The following SRD5A2 variants were observed in gnomAD, a reference collection of about 807,000 sequenced individuals.
The protein encoded by SRD5A2 is steroid 5 alpha-reductase 2, also known as 3-oxo-5-alpha-steroid 4-dehydrogenase 2.
Under a neutral mutation model 27.4 loss-of-function variants are expected in SRD5A2, and 30 were observed. The ratio of observed to expected loss-of-function variants is 1.10; its 90% CI spans 0.82 to 1.49. The LOEUF is 1.49. Among genes scored for constraint, SRD5A2 ranks in the 40% most tolerant of loss-of-function variants. SRD5A2 has a pLI of 0.00. For synonymous variants in SRD5A2, 141 were observed against 133.6 expected (o/e 1.06, Z -0.38); for missense variants, 348 against 323.4 (o/e 1.08, Z -0.58).
intron 4 of SRD5A2, among the ~76,000 whole-genome samples, chr2:31,528,660 G>T (rs963835635): frequency 6.6e-6 from 1 of 152,160 alleles, no homozygotes; most frequent in Non-Finnish European, 1.5e-5. Flanking sequence ...CAGCCATTTG[G>T]AAGGCTGAGG....
chr2:31,647,841 C>T, the SRD5A2 span, among the ~76,000 whole-genome samples: 27 of 152,244 alleles, frequency 1.8e-4, no homozygotes, highest in African/African-American at 6.5e-4. Context: ...ATAAAGAATT[C>T]TCTCATTTTT....
chr2:31,549,081 A>AATTATTATTATT lies in SRD5A2; in HGVS notation c.282-15327_282-15316dup, dbSNP rs71405576. Among the ~76,000 whole-genome samples, 974 of 131,362 alleles carry AATTATTATTATT rather than the reference A, an allele frequency of 7.4e-3. 4 individuals carry two copies. Among genetic ancestry groups the AATTATTATTATT allele is most frequent in the Middle Eastern group, 0.011 (3 of 264 alleles). The allele number at this position is 131,362 out of a possible 152,430, so 86.2% of individuals were successfully genotyped here. On this transcript the variant is annotated intron_variant, in intron 1 of 4. Transcript: ENST00000622030. ...GCTTCCAGGGGCTGGAAGTAGAGGG[A>AATTATTATTATT]ATTATTATTATTATTATTATTATTA...
intron 1 of SRD5A2, among the ~76,000 whole-genome samples, chr2:31,554,961 GTGTGTGTA>G (rs1356684124): frequency 1.4e-5 from 2 of 145,650 alleles, no homozygotes; most frequent in East Asian, 2.2e-4. Context: ...GTGTGTGTGT[GTGTGTGTA>G]TGTGTGTGTG....
At chr2:31,603,692 AC>A in the SRD5A2 span, among the ~76,000 whole-genome samples, 2 of 152,040 alleles carry the variant, frequency 1.3e-5, no homozygotes, top group African/African-American at 4.8e-5. Flanking sequence ...GTACATATAC[AC>A]CACGGAATAC....
chr2:31,577,242 G>C (rs1462680272), intron 1 of SRD5A2, among the ~76,000 whole-genome samples: 1 of 144,002 alleles, frequency 6.9e-6, no homozygotes, highest in Non-Finnish European at 1.5e-5. Flanking sequence ...AATGTGCTTA[G>C]GCAGCAGTCA....
At chr2:31,555,931 C>G (rs2148083614) in intron 1 of SRD5A2, among the ~76,000 whole-genome samples, 1 of 152,268 alleles carries the variant, frequency 6.6e-6, no homozygotes, top group Admixed American at 6.5e-5. Context: ...ATAGTGAGAT[C>G]ATATCTCTAA....
chr2:31,653,130 C>A, the SRD5A2 span, among the ~76,000 whole-genome samples: 1 of 152,156 alleles, frequency 6.6e-6, no homozygotes, highest in African/African-American at 2.4e-5. Context: ...CCCCAGTCCC[C>A]TAGAGCCGCC....
chr2:31,529,365 GT>G lies in SRD5A2; in HGVS notation c.639del (p.Ala215HisfsTer64). 6.2e-7 allele frequency: 1 copy of G among 1,613,970 alleles called. No individual in the cohort carries two copies. Among genetic ancestry groups the G allele is most frequent in the Non-Finnish European group, 8.5e-7 (1 of 1,179,850 alleles). On this transcript the variant is annotated frameshift_variant, in exon 4 of 5. Coordinates refer to ENST00000622030, the MANE Select transcript of SRD5A2 (RefSeq NM_000348.4). LOFTEE classifies it high-confidence loss of function. The stretch of plus-strand genomic sequence containing the variant: ...CAAAGTGAGAAAAATGCAAATGCAA[GT>G]GCTGGGAGGGACCAAGTGGCCAGGG... ...GYALATWSLP[A>X]LAFAFFSLCF...
intron 1 of SRD5A2, among the ~76,000 whole-genome samples, chr2:31,543,781 G>A (rs1320496550): frequency 1.3e-5 from 2 of 152,028 alleles, no homozygotes; most frequent in Non-Finnish European, 2.9e-5. Flanking sequence ...AGGGAACAAG[G>A]GATGGGGAGT....
the SRD5A2 span, among the ~76,000 whole-genome samples, chr2:31,606,872 G>A: frequency 1.1e-3 from 166 of 152,052 alleles, no homozygotes; most frequent in African/African-American, 3.9e-3. Flanking sequence ...AGTTCTGGAG[G>A]CTAGAGGTCT....
intron 1 of SRD5A2, among the ~76,000 whole-genome samples, chr2:31,571,415 C>G (rs1666847048): frequency 6.6e-6 from 1 of 152,126 alleles, no homozygotes; most frequent in South Asian, 2.1e-4. Context: ...ACCATAAACA[C>G]CCTAGAAGAA....
intron 2 of SRD5A2, among the ~76,000 whole-genome samples, chr2:31,532,398 C>T (rs934073231): frequency 6.8e-5 from 10 of 147,896 alleles, no homozygotes; most frequent in African/African-American, 2.0e-4. Flanking sequence ...CACACACACA[C>T]ATTCTGACAT....
the SRD5A2 span, among the ~76,000 whole-genome samples, chr2:31,660,791 A>T: frequency 9.2e-5 from 14 of 152,126 alleles, no homozygotes; most frequent in Non-Finnish European, 1.9e-4. Context: ...CAAGCATAAA[A>T]GATTGATTAA....
chr2:31,631,849 T>C, the SRD5A2 span, among the ~76,000 whole-genome samples: 1 of 152,144 alleles, frequency 6.6e-6, no homozygotes, highest in Non-Finnish European at 1.5e-5. Flanking sequence ...AGACCATCAT[T>C]GGGACACAGA....
At chr2:31,598,176 T>A in the SRD5A2 span, among the ~76,000 whole-genome samples, 1 of 152,104 alleles carries the variant, frequency 6.6e-6, no homozygotes, top group African/African-American at 2.4e-5. Flanking sequence ...GATACCATTA[T>A]TTAAATGAAG....
the SRD5A2 span, among the ~76,000 whole-genome samples, chr2:31,595,125 A>T: frequency 6.6e-6 from 1 of 152,186 alleles, no homozygotes; most frequent in Non-Finnish European, 1.5e-5. Context: ...CCACAAATAG[A>T]CAACCTAAGC....
chr2:31,529,531 C>G, intron 3 of SRD5A2, 74 bp from the exon 4 acceptor site: 1 of 1,546,750 alleles, frequency 6.5e-7, no homozygotes, highest in Non-Finnish European at 8.7e-7. Context: ...TGTGTTGTTC[C>G]AAAATACACA....
At chr2:31,635,212 T>G in the SRD5A2 span, among the ~76,000 whole-genome samples, 1 of 152,148 alleles carries the variant, frequency 6.6e-6, no homozygotes, top group Non-Finnish European at 1.5e-5. Context: ...GTTATTGTTA[T>G]TGCCACTTTT....
chr2:31,611,446 T>C, the SRD5A2 span, among the ~76,000 whole-genome samples: 1 of 152,138 alleles, frequency 6.6e-6, no homozygotes, highest in Non-Finnish European at 1.5e-5. Flanking sequence ...AATACAAATA[T>C]CTTACAAAGG....
Sources: gnomAD v4.1 joint callset for allele counts (sites outside exome capture counted in the v4.1 genomes callset) on GRCh38, gnomAD v4.1.1 for gene constraint, MANE v1.5 for transcripts, NCBI Gene and HGNC (gene_info 2026-07-23, HGNC 2026-07-21) for gene names.